Variants in SH3D19 observed in about 807,000 individuals in gnomAD.
The protein encoded by SH3D19 is SH3 domain containing 19, also known as SH3 domain-containing protein 19.
In SH3D19, 58 loss-of-function variants were observed where a neutral mutation model predicts 112.1. The observed-to-expected ratio is 0.52, with a 90% CI of 0.42 to 0.64. The LOEUF (loss-of-function observed/expected upper bound fraction) is 0.64, where lower values mean the gene tolerates loss of function less well. SH3D19 is among the 30% of genes least tolerant of loss of function. SH3D19 has a pLI of 0.00. For synonymous variants in SH3D19, 391 were observed against 448.5 expected (o/e 0.87, Z 1.62); for missense variants, 1,090 against 1,263.4 (o/e 0.86, Z 2.08).
chr4:151,324,115 G>A (rs1404396580), intron 1 of SH3D19, among the ~76,000 whole-genome samples: 1 of 152,172 alleles, frequency 6.6e-6, no homozygotes, highest in Non-Finnish European at 1.5e-5. Flanking sequence ...TTGATGAAAA[G>A]TTGTAATAAT....
At chr4:151,226,218 T>C in intron 1 of SH3D19, 132 bp from the exon 2 acceptor site, 1 of 1,226,582 alleles carries the variant, frequency 8.2e-7, no homozygotes, top group Non-Finnish European at 1.0e-6. Flanking sequence ...TTCCTAAGTA[T>C]AAGGCTCTTC....
chr4:151,126,427 T>C (rs528686672), intron 19 of SH3D19, among the ~76,000 whole-genome samples: 1 of 152,242 alleles, frequency 6.6e-6, no homozygotes, highest in Non-Finnish European at 1.5e-5. Flanking sequence ...CCACCCTCCT[T>C]CTTCTAGCAC....
intron 2 of SH3D19, among the ~76,000 whole-genome samples, chr4:151,208,898 T>C (rs568260168): frequency 0.011 from 1,617 of 145,860 alleles, 14 homozygotes; most frequent in Non-Finnish European, 0.017. Flanking sequence ...AGGATGATCT[T>C]GATCTCCTGA....
chr4:151,297,046 C>T (rs1775760560), intron 1 of SH3D19, among the ~76,000 whole-genome samples: 1 of 152,106 alleles, frequency 6.6e-6, no homozygotes, highest in Admixed American at 6.5e-5. Flanking sequence ...ATAGTCTATC[C>T]ACACACTAGA....
chr4:151,300,363 GAA>G (rs908148728), intron 1 of SH3D19, among the ~76,000 whole-genome samples: 1 of 151,498 alleles, frequency 6.6e-6, no homozygotes, highest in East Asian at 1.9e-4. Flanking sequence ...CTCTACAAAT[GAA>G]AAAAACATTT....
intron 1 of SH3D19, among the ~76,000 whole-genome samples, chr4:151,299,920 G>A (rs997347943): frequency 2.6e-5 from 4 of 152,090 alleles, no homozygotes; most frequent in Middle Eastern, 3.2e-3. Flanking sequence ...AACCAATGTC[G>A]GCCGGGTGTG....
At chr4:151,264,960 T>C (rs938587652) in intron 1 of SH3D19, among the ~76,000 whole-genome samples, 4 of 152,068 alleles carry the variant, frequency 2.6e-5, no homozygotes, top group African/African-American at 9.7e-5. Flanking sequence ...GGCAAGACAG[T>C]GGAATGAACA....
At chr4:151,228,968 T>A (rs190115524) in intron 1 of SH3D19, among the ~76,000 whole-genome samples, 1 of 151,826 alleles carries the variant, frequency 6.6e-6, no homozygotes, top group East Asian at 1.9e-4. Context: ...GATCCTCCCA[T>A]CTCAGCCTCC....
chr4:151,236,311 G>A (rs997520136), intron 1 of SH3D19, among the ~76,000 whole-genome samples: 2 of 152,260 alleles, frequency 1.3e-5, no homozygotes, highest in Non-Finnish European at 2.9e-5. Flanking sequence ...TGGGTTCCGC[G>A]GGCCCCGCAC....
intron 2 of SH3D19, 72 bp downstream of exon 2, chr4:151,225,975 T>C: frequency 9.5e-7 from 1 of 1,057,082 alleles, no homozygotes; most frequent in Non-Finnish European, 1.2e-6. Context: ...AGAGGACACT[T>C]ACATTGCTTC....
At chr4:151,309,490 T>C (rs368401480) in intron 1 of SH3D19, among the ~76,000 whole-genome samples, 6 of 152,148 alleles carry the variant, frequency 3.9e-5, no homozygotes, top group African/African-American at 1.4e-4. Context: ...GGGGTTAATA[T>C]CCAAAATATA....
chr4:151,154,120 C>T (rs527375804), intron 9 of SH3D19, among the ~76,000 whole-genome samples: 1 of 149,636 alleles, frequency 6.7e-6, no homozygotes, highest in South Asian at 2.1e-4. Flanking sequence ...TGACACCACA[C>T]CCGGCTGATT....
At chr4:151,179,658 A>T (rs998485263) in intron 3 of SH3D19, among the ~76,000 whole-genome samples, 1 of 152,214 alleles carries the variant, frequency 6.6e-6, no homozygotes, top group Non-Finnish European at 1.5e-5. Flanking sequence ...AAATAGTTTG[A>T]AGAATGAACA....
In SH3D19 at chr4:151,217,020, T is replaced by A. The variant is rs180674216; in HGVS notation, c.152+9027A>T. ...CCCACAAAACCTGTATATATTTAAA[T>A]GTTTCACCTTGTTTATGGCATTACA... On this transcript the variant is annotated intron_variant, in intron 2 of 19. Coordinates refer to ENST00000604030, the MANE Select transcript of SH3D19 (RefSeq NM_001378122.1). 9.7e-4 allele frequency among the ~76,000 whole-genome samples: 147 copies of A among 152,290 alleles called. 2 individuals carry two copies. Among genetic ancestry groups the A allele is most frequent in the Non-Finnish European group, 1.7e-3 (114 of 68,030 alleles).
chr4:151,319,859 G>A (rs999323440), intron 1 of SH3D19, among the ~76,000 whole-genome samples: 6 of 152,144 alleles, frequency 3.9e-5, no homozygotes, highest in African/African-American at 4.8e-5. Context: ...GTATAAATGC[G>A]TGGAGCATCA....
chr4:151,200,874 C>A (rs1764299591), intron 2 of SH3D19, among the ~76,000 whole-genome samples: 1 of 152,168 alleles, frequency 6.6e-6, no homozygotes, highest in Non-Finnish European at 1.5e-5. Context: ...TCACGTTTAT[C>A]TTACTCATTA....
chr4:151,235,468 C>A (rs927268395), intron 1 of SH3D19, among the ~76,000 whole-genome samples: 55 of 152,136 alleles, frequency 3.6e-4, no homozygotes, highest in Non-Finnish European at 2.9e-5. Flanking sequence ...TTAACACATT[C>A]TCCTAACTAA....
intron 7 of SH3D19, among the ~76,000 whole-genome samples, chr4:151,170,333 C>T (rs967161893): frequency 6.6e-6 from 1 of 152,082 alleles, no homozygotes; most frequent in African/African-American, 2.4e-5. Context: ...GCTGAGTTAA[C>T]ACCTCTGCCA....
At chr4:151,215,244 G>A (rs76854018) in intron 2 of SH3D19, among the ~76,000 whole-genome samples, 44 of 152,254 alleles carry the variant, frequency 2.9e-4, no homozygotes, top group African/African-American at 1.0e-3. Context: ...TCTGAAGACC[G>A]TACTTCAGTT....
Sources: gnomAD v4.1 joint callset for allele counts (sites outside exome capture counted in the v4.1 genomes callset) on GRCh38, gnomAD v4.1.1 for gene constraint, MANE v1.5 for transcripts, NCBI Gene and HGNC (gene_info 2026-07-23, HGNC 2026-07-21) for gene names.